The following EXOC6B variants were observed in gnomAD, a reference collection of about 807,000 sequenced individuals.
EXOC6B encodes exocyst complex component 6B, also known as SEC15 homolog B.
A neutral mutation model predicts 113.5 loss-of-function variants in EXOC6B; 54 were observed. The ratio of observed to expected loss-of-function variants is 0.48; its 90% CI spans 0.38 to 0.60. The LOEUF is 0.60. Among genes scored for constraint, EXOC6B ranks in the 20% least tolerant of loss-of-function variants. EXOC6B has a pLI of 0.00. For missense variants in EXOC6B, 797 were observed against 977.5 expected, an observed-to-expected ratio of 0.82 and a Z score of 2.46; for synonymous variants, 357 against 339.0, an observed-to-expected ratio of 1.05 and a Z score of -0.58.
At chr2:72,762,074 T>A (rs966993688) in intron 1 of EXOC6B, among the ~76,000 whole-genome samples, 1 of 151,722 alleles carries the variant, frequency 6.6e-6, no homozygotes, top group Non-Finnish European at 1.5e-5. Flanking sequence ...TAAAACCCCA[T>A]CTCTACAAAA....
intron 20 of EXOC6B, among the ~76,000 whole-genome samples, chr2:72,329,035 C>T (rs576093263): frequency 2.6e-5 from 4 of 152,046 alleles, no homozygotes; most frequent in East Asian, 1.9e-4. Flanking sequence ...TTCAACTGAG[C>T]GCTTGGAGAG....
intron 18 of EXOC6B, among the ~76,000 whole-genome samples, chr2:72,407,993 A>G (rs1558638811): frequency 6.6e-6 from 1 of 152,218 alleles, no homozygotes; most frequent in African/African-American, 2.4e-5. Context: ...AATCTCCTTA[A>G]GCTGATAGGC....
chr2:72,215,728 T>C (rs1200787027), intron 20 of EXOC6B, among the ~76,000 whole-genome samples: 1 of 151,944 alleles, frequency 6.6e-6, no homozygotes, highest in Non-Finnish European at 1.5e-5. Context: ...TTTGCACCTG[T>C]TAGGAGACTT....
At chr2:72,395,448 A>G (rs568294917) in intron 18 of EXOC6B, among the ~76,000 whole-genome samples, 23 of 152,218 alleles carry the variant, frequency 1.5e-4, no homozygotes, top group South Asian at 4.1e-4. Flanking sequence ...AGTATCCTGT[A>G]GGTGCTTTGG....
intron 8 of EXOC6B, among the ~76,000 whole-genome samples, chr2:72,557,111 A>G (rs1294166453): frequency 6.6e-6 from 1 of 151,896 alleles, no homozygotes; most frequent in African/African-American, 2.4e-5. Context: ...ATAGCGCAAC[A>G]TCATCTGAGT....
chr2:72,781,692 G>A (rs1684046718), intron 1 of EXOC6B, among the ~76,000 whole-genome samples: 1 of 152,102 alleles, frequency 6.6e-6, no homozygotes, highest in Non-Finnish European at 1.5e-5. Context: ...GAAAAGCACA[G>A]TGAGGAAATA....
chr2:72,616,067 G>A (rs369029696), intron 6 of EXOC6B, among the ~76,000 whole-genome samples: 1 of 151,960 alleles, frequency 6.6e-6, no homozygotes, highest in Non-Finnish European at 1.5e-5. Context: ...TATACAAAAT[G>A]TTTAAGTATT....
intron 1 of EXOC6B, among the ~76,000 whole-genome samples, chr2:72,774,554 C>T (rs994834350): frequency 6.6e-6 from 1 of 152,130 alleles, no homozygotes; most frequent in Non-Finnish European, 1.5e-5. Flanking sequence ...AACTGCACTC[C>T]TGAGCATTTA....
intron 6 of EXOC6B, among the ~76,000 whole-genome samples, chr2:72,696,858 G>A (rs1380206162): frequency 3.9e-5 from 6 of 152,108 alleles, no homozygotes; most frequent in Non-Finnish European, 7.4e-5. Context: ...CATTAAGTTT[G>A]GGGTGGTTTG....
chr2:72,524,815 C>A (rs1170412556), intron 8 of EXOC6B, among the ~76,000 whole-genome samples: 1 of 152,018 alleles, frequency 6.6e-6, no homozygotes, highest in Non-Finnish European at 1.5e-5. Flanking sequence ...AAACACCTCA[C>A]AAAAAAACTG....
intron 1 of EXOC6B, among the ~76,000 whole-genome samples, chr2:72,775,545 T>A (rs901886847): frequency 2.6e-5 from 4 of 152,104 alleles, no homozygotes; most frequent in African/African-American, 9.7e-5. Flanking sequence ...AAATGTGGTA[T>A]AACAATATCA....
At chr2:72,226,531 A>C (rs1681252206) in intron 20 of EXOC6B, among the ~76,000 whole-genome samples, 1 of 152,206 alleles carries the variant, frequency 6.6e-6, no homozygotes, top group African/African-American at 2.4e-5. Context: ...CACCATCCAC[A>C]CAAGGAACTA....
At chr2:72,542,089 A>ACCT (rs1702635951) in intron 8 of EXOC6B, among the ~76,000 whole-genome samples, 3 of 152,166 alleles carry the variant, frequency 2.0e-5, no homozygotes, top group African/African-American at 7.2e-5. Context: ...AACTATACTA[A>ACCT]CCTCAGTCAA....
chr2:72,479,629 T>A (rs1698956530), intron 17 of EXOC6B, among the ~76,000 whole-genome samples: 1 of 152,220 alleles, frequency 6.6e-6, no homozygotes, highest in Non-Finnish European at 1.5e-5. Context: ...GTTAGATCCA[T>A]ATTTTTAATG....
chr2:72,781,032 A>G (rs1274661348), intron 1 of EXOC6B, among the ~76,000 whole-genome samples: 1 of 152,170 alleles, frequency 6.6e-6, no homozygotes, highest in Non-Finnish European at 1.5e-5. Flanking sequence ...TCCTATTAAT[A>G]TAACCATTGG....
chr2:72,480,839 G>GT lies in EXOC6B; in HGVS notation c.1666-90dup, dbSNP rs1298037087. On this transcript the variant is annotated intron_variant, in intron 16 of 21. Coordinates refer to ENST00000272427, the MANE Select transcript of EXOC6B (RefSeq NM_015189.3). ...ATGAATCTGCCGGTACAAAACAAATGTAAGGCATAATGGAAAAGGCCATCC... is the reference window on the plus strand; with the variant it reads ...ATGAATCTGCCGGTACAAAACAAATGTTAAGGCATAATGGAAAAGGCCATCC... 4.5e-6 allele frequency: 6 copies of GT among 1,321,774 alleles called. No homozygotes were observed. The Admixed American group carries it at 1.1e-4, about 25-fold the overall frequency. 81.9% of individuals were successfully genotyped at this position (1,321,774 alleles called of 1,614,324 possible).
At chr2:72,801,920 G>A (rs1685298725) in intron 1 of EXOC6B, among the ~76,000 whole-genome samples, 1 of 152,202 alleles carries the variant, frequency 6.6e-6, no homozygotes, top group African/African-American at 2.4e-5. Context: ...CTTTCTGGAA[G>A]GCAGTTTGGC....
intron 18 of EXOC6B, among the ~76,000 whole-genome samples, chr2:72,458,765 A>C (rs554547194): frequency 6.6e-6 from 1 of 152,140 alleles, no homozygotes; most frequent in East Asian, 1.9e-4. Flanking sequence ...ATTTTAATTC[A>C]GACAAGCACC....
rs118161580 is a variant in EXOC6B, at chr2:72,746,953, C to T, written c.114-5484G>A. On this transcript the variant is annotated intron_variant, in intron 1 of 21. Transcript: ENST00000272427. The stretch of plus-strand genomic sequence containing the variant: ...AACTGAGGCCCAGGCAAGTTAAATG[C>T]CTTAATCAAAATTAATTGCTTGCTA... Among the ~76,000 whole-genome samples, 4 of 152,084 alleles carry T rather than the reference C, an allele frequency of 2.6e-5. No individual in the cohort carries two copies. In the East Asian group the frequency reaches 7.7e-4, roughly 29 times the overall value.
Sources: allele counts gnomAD v4.1 joint callset (sites outside exome capture counted in the v4.1 genomes callset), GRCh38; gene constraint gnomAD v4.1.1; transcripts MANE v1.5; gene names NCBI Gene and HGNC (gene_info 2026-07-23, HGNC 2026-07-21).